NR4A1: variants seen among roughly 807,000 people sequenced by gnomAD.
The protein encoded by NR4A1 is nuclear receptor subfamily 4 group A member 1, also known as nuclear receptor subfamily 4immunitygroup A member 1.
A neutral mutation model predicts 47.5 loss-of-function variants in NR4A1; 24 were observed. The observed-to-expected ratio is 0.50, with a 90% CI of 0.37 to 0.71. NR4A1 has a LOEUF of 0.71. NR4A1 is among the 30% of genes least tolerant of loss of function. The pLI is 0.00. For missense variants in NR4A1, 669 were observed against 788.6 expected (o/e 0.85, Z 1.82); for synonymous variants, 353 against 345.7 (o/e 1.02, Z -0.24).
chr12:52,055,053 G>C lies in NR4A1; in HGVS notation c.725G>C (p.Gly242Ala), dbSNP rs776258622. 6.8e-6 allele frequency: 11 copies of C among 1,614,144 alleles called. No individual in the cohort carries two copies. The South Asian group carries it at 1.2e-4, about 18-fold the overall frequency. ...GLAPTSPHLE[G>A]SGILDTPVTS... Reference sequence around the variant, plus strand: ...GCACCCACTTCTCCACACCTTGAGGGCTCGGGGATACTGGATACACCCGTG... The same window carrying C: ...GCACCCACTTCTCCACACCTTGAGGCCTCGGGGATACTGGATACACCCGTG... The change falls in exon 2 of 7, where the codon GGC (glycine) becomes GCC (alanine). Residue 242 changes from glycine to alanine, a missense_variant. By Grantham distance (60) the Gly-to-Ala change is moderately conservative (BLOSUM62 0). Coordinates refer to ENST00000394825, the MANE Select transcript of NR4A1 (RefSeq NM_173157.3).
intron 1 of NR4A1, among the ~76,000 whole-genome samples, chr12:52,024,358 C>T (rs1338945466): frequency 2.6e-5 from 4 of 152,192 alleles, no homozygotes; most frequent in Non-Finnish European, 5.9e-5. Flanking sequence ...CCCTTCTCTA[C>T]GTGCTGTTCT....
intron 1 of NR4A1, among the ~76,000 whole-genome samples, chr12:52,023,439 G>C (rs1232757603): frequency 6.6e-6 from 1 of 152,202 alleles, no homozygotes; most frequent in East Asian, 1.9e-4. Flanking sequence ...GAAGGAAGCA[G>C]GTGGCAGCGC....
At chr12:52,056,009 C>T in intron 2 of NR4A1, 21 bp from the exon 3 acceptor site, 3 of 858,028 alleles carry the variant, frequency 3.5e-6, no homozygotes, top group Non-Finnish European at 4.6e-6. Flanking sequence ...ACAGCTTGTT[C>T]CGTGTTGCCC....
intron 1 of NR4A1, chr12:52,037,867 T>A: frequency 1.0e-6 from 1 of 982,394 alleles, no homozygotes; most frequent in Non-Finnish European, 1.2e-6. Context: ...CAGGCGGAGC[T>A]GGGGATTAGG....
At chr12:52,052,623 TC>T (rs1163326153) in intron 1 of NR4A1, 8 of 985,222 alleles carry the variant, frequency 8.1e-6, no homozygotes, top group East Asian at 1.1e-4. Flanking sequence ...GTGGGACTGC[TC>T]CCCCCTCCTG....
intron 2 of NR4A1, 172 bp from the exon 3 acceptor site, chr12:52,055,858 C>CG (rs1939234543): frequency 1.1e-5 from 5 of 465,420 alleles, no homozygotes; most frequent in African/African-American, 1.1e-4. Context: ...TTTCTCTCCC[C>CG]CCGCCCAACC....
chr12:52,041,328 C>G (rs773663597), intron 1 of NR4A1, among the ~76,000 whole-genome samples: 1 of 152,102 alleles, frequency 6.6e-6, no homozygotes, highest in East Asian at 1.9e-4. Context: ...CGAACCCAGA[C>G]GGTCTGGGAT....
chr12:52,057,207 C>T lies in NR4A1; in HGVS notation c.1309C>T (p.Leu437=). 2 of 1,614,056 alleles carry T rather than the reference C, an allele frequency of 1.2e-6. No individual in the cohort carries two copies. The highest frequency in any genetic ancestry group is 1.7e-6 in the Non-Finnish European group (2 of 1,179,924). Residue 437 remains leucine, a synonymous_variant, in exon 5 of 7, where the codon CTG becomes TTG. Coordinates refer to ENST00000394825, the MANE Select transcript of NR4A1 (RefSeq NM_173157.3). ...TGAGCTGTCACCGGCTGACCAGGACCTGTTGCTGGAGTCGGCCTTCCTGGA... is the reference window on the plus strand; with the variant it reads ...TGAGCTGTCACCGGCTGACCAGGACTTGTTGCTGGAGTCGGCCTTCCTGGA... The part of the protein sequence containing the change: ...FAELSPADQD[L]LLESAFLELF...
intron 2 of NR4A1, among the ~76,000 whole-genome samples, chr12:52,044,198 C>T (rs559612333): frequency 1.8e-4 from 28 of 152,354 alleles, no homozygotes; most frequent in South Asian, 4.1e-4. Context: ...CTCTCCACCC[C>T]GCCTGGATGA....
At chr12:52,037,869 G>A in intron 1 of NR4A1, 2 of 985,310 alleles carry the variant, frequency 2.0e-6, no homozygotes, top group Non-Finnish European at 2.4e-6. Flanking sequence ...GGCGGAGCTG[G>A]GGATTAGGAC....
chr12:52,055,507 C>T, intron 2 of NR4A1: 1 of 571,428 alleles, frequency 1.7e-6, no homozygotes, highest in South Asian at 2.3e-5. Context: ...GCTCCTCTGC[C>T]TGTCCTCTCC....
At chr12:52,048,255 GGAA>G (rs1306292264), upstream of NR4A1, among the ~76,000 whole-genome samples, 1 of 151,974 alleles carries the variant, frequency 6.6e-6, no homozygotes, top group Non-Finnish European at 1.5e-5. Flanking sequence ...CTGGTTGGCA[GGAA>G]GAACAATGGC....
rs779903506 is a variant in NR4A1, at chr12:52,054,849, C to T, written c.521C>T (p.Thr174Ile). ...SQTYEGLRAW[T>I]EQLPKASGPP... ...ACTTACGAAGGCCTGCGGGCATGGA[C>T]AGAGCAGCTGCCCAAAGCCTCTGGG... Residue 174 changes from threonine (T) to isoleucine (I), a missense_variant, in exon 2 of 7, where the codon ACA becomes ATA. Physicochemically the swap from Thr to Ile is moderately conservative, Grantham distance 89 (BLOSUM62 -1). Coordinates refer to ENST00000394825, the MANE Select transcript of NR4A1 (RefSeq NM_173157.3). The T allele has an allele frequency of 1.9e-6, 3 of 1,613,884 alleles. No homozygotes were observed. The highest frequency in any genetic ancestry group is 2.7e-5 in the African/African-American group (2 of 74,944).
At chr12:52,033,882 G>A (rs1938183772) in intron 1 of NR4A1, among the ~76,000 whole-genome samples, 1 of 152,220 alleles carries the variant, frequency 6.6e-6, no homozygotes, top group African/African-American at 2.4e-5. Context: ...GCCTGAGCAG[G>A]GGAGCCCCTT....
At chr12:52,025,653 T>C (rs1291929400) in intron 1 of NR4A1, among the ~76,000 whole-genome samples, 1 of 152,222 alleles carries the variant, frequency 6.6e-6, no homozygotes, top group Non-Finnish European at 1.5e-5. Flanking sequence ...AATGTTTTTG[T>C]CTTTATCCCT....
At chr12:52,052,268 C>T (rs61148717) in intron 1 of NR4A1, among the ~76,000 whole-genome samples, 2,203 of 129,920 alleles carry the variant, frequency 0.017, 32 homozygotes, top group African/African-American at 0.04. Context: ...GCTTGGATCA[C>T]GTGTGTGTGT....
chr12:52,052,145 G>T (rs1283775492), intron 1 of NR4A1, among the ~76,000 whole-genome samples: 1 of 152,102 alleles, frequency 6.6e-6, no homozygotes, highest in Non-Finnish European at 1.5e-5. Context: ...TGAAGGAAGT[G>T]ACTGGCTTGG....
In NR4A1 at chr12:52,054,478, G is replaced by A. The variant is rs1417810461; in HGVS notation, c.150G>A (p.Leu50=). The part of the protein sequence containing the change: ...PEAAPAAPTA[L]PSFSTFMDGY... ...CAGCCCCCGCTGCCCCCACTGCCCT[G>A]CCCAGCTTCAGCACCTTCATGGACG... The change falls in exon 2 of 7, where the codon CTG becomes CTA. Residue 50 remains leucine, a synonymous_variant. Transcript: ENST00000394825. The A allele has an allele frequency of 6.2e-7, 1 of 1,613,742 alleles. No individual in the cohort carries two copies. The highest frequency in any genetic ancestry group is 2.2e-5 in the East Asian group (1 of 44,862).
chr12:52,027,136 C>A (rs897829941), intron 1 of NR4A1, among the ~76,000 whole-genome samples: 3 of 152,228 alleles, frequency 2.0e-5, no homozygotes, highest in Non-Finnish European at 4.4e-5. Context: ...GAGGTGGGAG[C>A]AGCCCCATCC....
Sources: allele counts gnomAD v4.1 joint callset (sites outside exome capture counted in the v4.1 genomes callset), GRCh38; gene constraint gnomAD v4.1.1; transcripts MANE v1.5; gene names NCBI Gene and HGNC (gene_info 2026-07-23, HGNC 2026-07-21).